CRTC3: variants seen among roughly 807,000 people sequenced by gnomAD.
CRTC3 encodes CREB-regulated transcription coactivator 3.
A neutral mutation model predicts 74.5 loss-of-function variants in CRTC3; 26 were observed. That is an observed-to-expected ratio of 0.35 (90% CI 0.26 to 0.48). The LOEUF is 0.48. Among genes scored for constraint, CRTC3 ranks in the 20% least tolerant of loss-of-function variants. The pLI is 0.99. For missense variants in CRTC3, 760 were observed against 787.3 expected (o/e 0.97, Z 0.41); for synonymous variants, 377 against 325.8 (o/e 1.16, Z -1.69).
At chr15:90,627,893 C>T (rs566486143) in intron 10 of CRTC3, among the ~76,000 whole-genome samples, 70 of 198 alleles carry the variant, frequency 0.35, 1 homozygote, top group East Asian at 0.5. Flanking sequence ...GGATTACAGG[C>T]GTGAGCCACG....
chr15:90,588,212 A>G (rs1372358819), intron 2 of CRTC3, among the ~76,000 whole-genome samples: 4 of 151,676 alleles, frequency 2.6e-5, no homozygotes, highest in Non-Finnish European at 5.9e-5. Flanking sequence ...GTGAGCTGAG[A>G]TCACGCCACT....
intron 8 of CRTC3, among the ~76,000 whole-genome samples, chr15:90,618,679 G>T (rs1367826337): frequency 6.6e-6 from 1 of 152,178 alleles, no homozygotes; most frequent in African/African-American, 2.4e-5. Context: ...ACCTGTTTAG[G>T]ATCCCTTTGG....
intron 5 of CRTC3, among the ~76,000 whole-genome samples, chr15:90,605,244 G>T (rs1050518602): frequency 1.3e-5 from 2 of 152,008 alleles, no homozygotes; most frequent in Non-Finnish European, 2.9e-5. Context: ...AGAGAGAGAC[G>T]CTGTCTCAAA....
intron 11 of CRTC3, among the ~76,000 whole-genome samples, chr15:90,631,179 CACTCTTTACCAATT>C: frequency 6.6e-6 from 1 of 152,278 alleles, no homozygotes; most frequent in South Asian, 2.1e-4. Flanking sequence ...TGTTATTGGT[CACTCTTTACCAATT>C]ACTAGCCGTG....
intron 11 of CRTC3, among the ~76,000 whole-genome samples, chr15:90,632,171 AATTTT>A (rs1654089348): frequency 6.7e-6 from 1 of 149,504 alleles, no homozygotes; most frequent in Non-Finnish European, 1.5e-5. Context: ...AATTACCTTT[AATTTT>A]ATTTTGCAAG....
chr15:90,629,105 A>AGCT, intron 10 of CRTC3, 129 bp from the exon 11 acceptor site: 2 of 808,732 alleles, frequency 2.5e-6, no homozygotes, highest in Non-Finnish European at 3.8e-6. Context: ...CCTGTAGGAG[A>AGCT]GCTGTCCAGG....
chr15:90,551,188 G>T (rs1356058858), intron 2 of CRTC3, among the ~76,000 whole-genome samples: 1 of 152,126 alleles, frequency 6.6e-6, no homozygotes, highest in African/African-American at 2.4e-5. Context: ...TGATAGAGTT[G>T]TTCATAAGGA....
At chr15:90,532,414 G>C (rs563838330) in intron 1 of CRTC3, among the ~76,000 whole-genome samples, 9 of 152,282 alleles carry the variant, frequency 5.9e-5, no homozygotes, top group South Asian at 4.1e-4. Context: ...TTGGTAACTG[G>C]GTGGCAGATA....
At chr15:90,594,196 T>G (rs997749906) in intron 3 of CRTC3, 1 of 152,922 alleles carries the variant, frequency 6.5e-6, no homozygotes, top group African/African-American at 2.4e-5. Context: ...TTTCATATTA[T>G]TTTCTATTTG....
intron 6 of CRTC3, among the ~76,000 whole-genome samples, chr15:90,609,185 T>A (rs1188730484): frequency 6.6e-6 from 1 of 152,244 alleles, no homozygotes; most frequent in Admixed American, 6.5e-5. Context: ...TAAATGATTG[T>A]TTGCTTGTAA....
chr15:90,607,509 C>A, intron 6 of CRTC3, 31 bp downstream of exon 6: 1 of 1,336,740 alleles, frequency 7.5e-7, no homozygotes, highest in Non-Finnish European at 1.1e-6. Flanking sequence ...CTGACAGCAG[C>A]TGTGCTTGCT....
intron 2 of CRTC3, among the ~76,000 whole-genome samples, chr15:90,576,840 G>A (rs1967416500): frequency 6.6e-6 from 1 of 152,120 alleles, no homozygotes; most frequent in Non-Finnish European, 1.5e-5. Flanking sequence ...AGAGGGATGG[G>A]GGCTGAGGTC....
In CRTC3 at chr15:90,625,904, C is replaced by T. The variant is rs915891147; in HGVS notation, c.878C>T (p.Thr293Ile). 3.7e-6 allele frequency: 6 copies of T among 1,614,114 alleles called. No homozygotes were observed. Among genetic ancestry groups the T allele is most frequent in the African/African-American group, 1.3e-5 (1 of 74,932 alleles). The change falls in exon 10 of 15, where the codon ACC (threonine) becomes ATC (isoleucine). Residue 293 changes from threonine (T) to isoleucine (I), a missense_variant. This residue lies in a region of CRTC3 where 652 missense variants were observed against 635.2 expected (regional missense o/e 1.03). Coordinates refer to ENST00000268184, the MANE Select transcript of CRTC3 (RefSeq NM_022769.5). ...STPLPASLDT[T>I]DHHFGSMSVG... ...CCCCTGCCAGCCTCCCTGGACACCACCGACCACCACTTTGGCAGTATGAGT... is the reference window on the plus strand; with the variant it reads ...CCCCTGCCAGCCTCCCTGGACACCATCGACCACCACTTTGGCAGTATGAGT...
At chr15:90,607,041 AAACTGGCCACAG>A (rs1968241131) in intron 5 of CRTC3, among the ~76,000 whole-genome samples, 1 of 13,334 alleles carries the variant, frequency 7.5e-5, no homozygotes, top group Non-Finnish European at 1.8e-4. Context: ...GCCACAGGCT[AAACTGGCCACAG>A]CCAGCTTCCG....
chr15:90,532,714 CAG>C (rs1350878546), intron 1 of CRTC3, among the ~76,000 whole-genome samples: 1 of 152,112 alleles, frequency 6.6e-6, no homozygotes, highest in Non-Finnish European at 1.5e-5. Context: ...CCGGCATTAT[CAG>C]GAAGCAGTGG....
intron 5 of CRTC3, among the ~76,000 whole-genome samples, chr15:90,606,434 C>T (rs969867855): frequency 6.6e-6 from 1 of 151,698 alleles, no homozygotes. Context: ...TGGTGACGCA[C>T]GTCTATAATC....
chr15:90,548,444 G>C (rs1244086408), intron 2 of CRTC3, among the ~76,000 whole-genome samples: 1 of 152,184 alleles, frequency 6.6e-6, no homozygotes, highest in East Asian at 1.9e-4. Context: ...AATATGAGTA[G>C]TATAATGAGG....
intron 2 of CRTC3, among the ~76,000 whole-genome samples, chr15:90,556,996 A>ATC (rs1176840405): frequency 3.5e-5 from 5 of 142,796 alleles, no homozygotes; most frequent in South Asian, 2.2e-4. Flanking sequence ...ATATATATAT[A>ATC]TATCTTTATA....
chr15:90,626,839 T>C (rs1015610012), intron 10 of CRTC3, among the ~76,000 whole-genome samples: 1 of 152,206 alleles, frequency 6.6e-6, no homozygotes, highest in Admixed American at 6.5e-5. Context: ...GGTCTCGAAC[T>C]CCTGACCTCA....
Sources: allele counts gnomAD v4.1 joint callset (sites outside exome capture counted in the v4.1 genomes callset), GRCh38; gene constraint gnomAD v4.1.1; regional missense constraint gnomAD v4.1.1; transcripts MANE v1.5; gene names NCBI Gene and HGNC (gene_info 2026-07-23, HGNC 2026-07-21).